Variants in MGAT5B observed in about 807,000 individuals in gnomAD.
MGAT5B encodes alpha-1,6-mannosylglycoprotein 6-beta-N-acetylglucosaminyltransferase B.
A neutral mutation model predicts 95.1 loss-of-function variants in MGAT5B; 54 were observed. The observed-to-expected ratio is 0.57, with a 90% CI of 0.46 to 0.71. The LOEUF is 0.71. Among genes scored for constraint, MGAT5B ranks in the 30% least tolerant of loss-of-function variants. The probability of loss-of-function intolerance (pLI) is 0.00; values close to 1 mark genes in which losing one functional copy is unlikely to be tolerated. For missense variants in MGAT5B, 935 were observed against 1,088.6 expected, an observed-to-expected ratio of 0.86 and a Z score of 1.99; for synonymous variants, 464 against 451.0, an observed-to-expected ratio of 1.03 and a Z score of -0.36.
intron 3 of MGAT5B, among the ~76,000 whole-genome samples, chr17:76,892,571 C>T (rs865975884): frequency 3.9e-5 from 6 of 152,334 alleles, no homozygotes; most frequent in Admixed American, 6.5e-5. Flanking sequence ...TAGGAGGACT[C>T]AGAACTCAGC....
At chr17:76,882,704 CCTTTTTT>C (rs1568166037) in intron 3 of MGAT5B, among the ~76,000 whole-genome samples, 1 of 137,584 alleles carries the variant, frequency 7.3e-6, no homozygotes. Flanking sequence ...TTCCACTGCC[CCTTTTTT>C]TTTTTTTTTT....
At position 76,912,415 on chromosome 17, in the gene MGAT5B, G is replaced by T. The variant is rs531821205; in HGVS notation, c.1025+6228G>T. 6.6e-6 allele frequency among the ~76,000 whole-genome samples: 1 copy of T among 152,178 alleles called. No individual in the cohort carries two copies. Among genetic ancestry groups the T allele is most frequent in the Admixed American group, 6.5e-5 (1 of 15,282 alleles). On this transcript the variant is annotated intron_variant, in intron 8 of 17. Coordinates refer to ENST00000569840, the MANE Select transcript of MGAT5B (RefSeq NM_001199172.2). This position sits in a 1 kb window ranked among gnomAD's most constrained non-coding sequence, Gnocchi z 5.0. Reference sequence around the variant, plus strand: ...TAATTTGAAAACAGGTCAATGGGATGTGAAGGTAATCTGAATTCTGAGTGT... The same window carrying T: ...TAATTTGAAAACAGGTCAATGGGATTTGAAGGTAATCTGAATTCTGAGTGT...
chr17:76,880,807 C>T (rs752057065), intron 2 of MGAT5B, among the ~76,000 whole-genome samples: 7 of 152,284 alleles, frequency 4.6e-5, no homozygotes, highest in East Asian at 3.9e-4. Context: ...GTAATATTCT[C>T]GGCAGTGCAG....
intron 16 of MGAT5B, among the ~76,000 whole-genome samples, chr17:76,947,210 C>T (rs939798163): frequency 7.2e-5 from 11 of 152,214 alleles, no homozygotes; most frequent in African/African-American, 1.9e-4. Flanking sequence ...ACAGATAGTA[C>T]GTGACCTCCC....
At chr17:76,941,640 A>G (rs1241396117) in intron 15 of MGAT5B, among the ~76,000 whole-genome samples, 3 of 152,236 alleles carry the variant, frequency 2.0e-5, no homozygotes, top group Non-Finnish European at 4.4e-5. Flanking sequence ...CGGGCAGCTC[A>G]CTTGAGGCCA....
chr17:76,896,425 T>C (rs1968066308), intron 3 of MGAT5B, among the ~76,000 whole-genome samples: 1 of 152,172 alleles, frequency 6.6e-6, no homozygotes, highest in Non-Finnish European at 1.5e-5. Flanking sequence ...CGCAGGAAAA[T>C]TGCTGAATCC....
At position 76,938,803 on chromosome 17, in the gene MGAT5B, C is replaced by T. The variant is rs959163612; in HGVS notation, c.1584+660C>T. On this transcript the variant is annotated intron_variant, in intron 13 of 17. Coordinates refer to ENST00000569840, the MANE Select transcript of MGAT5B (RefSeq NM_001199172.2). The surrounding 1 kb of genome is among the most constrained non-coding windows in gnomAD (Gnocchi z 4.3). ...ACACAGTCCCCTCACCTCCACCTCC[C>T]GAGTAGCTGGGACTATTGGCATACA... Among the ~76,000 whole-genome samples the T allele has an allele frequency of 1.3e-5, 2 of 152,252 alleles. No homozygotes were observed. The highest frequency in any genetic ancestry group is 2.4e-5 in the African/African-American group (1 of 41,548).
chr17:76,947,469 GT>G (rs1341386736), intron 16 of MGAT5B, among the ~76,000 whole-genome samples: 2 of 152,128 alleles, frequency 1.3e-5, no homozygotes, highest in African/African-American at 4.8e-5. Flanking sequence ...CTGGGGCCCT[GT>G]CCCCATGGAG....
chr17:76,879,840 T>C (rs1407867834), intron 2 of MGAT5B, among the ~76,000 whole-genome samples: 1 of 151,964 alleles, frequency 6.6e-6, no homozygotes, highest in Non-Finnish European at 1.5e-5. Context: ...GAGCTATCTA[T>C]ATCCTGTTTT....
At position 76,904,240 on chromosome 17, in the gene MGAT5B, C is replaced by A; in HGVS notation, c.520-12C>A. 6.3e-7 allele frequency: 1 copy of A among 1,599,680 alleles called. No individual in the cohort carries two copies. Among genetic ancestry groups the A allele is most frequent in the South Asian group, 1.1e-5 (1 of 88,552 alleles). ...TGGCGCAGCCCCCTGCCCAGCCTGG[C>A]CCTCTCTGCAGTGGATGCGTGCCCG... On this transcript the variant is annotated splice_polypyrimidine_tract_variant and intron_variant, in intron 5 of 17. Transcript: ENST00000569840.
chr17:76,874,849 G>C (rs1330106523), intron 2 of MGAT5B, among the ~76,000 whole-genome samples: 1 of 152,130 alleles, frequency 6.6e-6, no homozygotes, highest in African/African-American at 2.4e-5. Context: ...CCCAGCTGCA[G>C]GTCTGGGTCT....
chr17:76,940,869 T>C lies in MGAT5B; in HGVS notation c.1848+21T>C, dbSNP rs763006688. On this transcript the variant is annotated intron_variant, in intron 15 of 17. Coordinates refer to ENST00000569840, the MANE Select transcript of MGAT5B (RefSeq NM_001199172.2). The surrounding 1 kb of genome is among the most constrained non-coding windows in gnomAD (Gnocchi z 4.3). ...CTCAGGTGAGAGCAGCCACATACAG[T>C]TGAGACCCCCCACTAGTCCACACTG... The C allele has an allele frequency of 6.3e-7, 1 of 1,578,356 alleles. No individual in the cohort carries two copies. The highest frequency in any genetic ancestry group is 8.7e-7 in the Non-Finnish European group (1 of 1,147,886).
intron 8 of MGAT5B, among the ~76,000 whole-genome samples, chr17:76,909,976 C>T (rs764025563): frequency 5.3e-5 from 8 of 152,128 alleles, no homozygotes; most frequent in Non-Finnish European, 8.8e-5. Flanking sequence ...GGCAGCTACA[C>T]GCCTGTGGCT....
chr17:76,897,731 CTTTTTTT>C (rs59682650), intron 3 of MGAT5B, among the ~76,000 whole-genome samples: 9 of 84,848 alleles, frequency 1.1e-4, no homozygotes, highest in South Asian at 3.6e-4. Context: ...CTTTCTTTTT[CTTTTTTT>C]TTTTTTTTTT....
chr17:76,897,659 CACTTTCTTTCTTTCTT>C (rs1177641154), intron 3 of MGAT5B, among the ~76,000 whole-genome samples: 2,429 of 108,886 alleles, frequency 0.022, 89 homozygotes, highest in African/African-American at 0.06. Context: ...CAAGTAAGGC[CACTTTCTTTCTTTCTT>C]TCTTTCTTTC....
chr17:76,935,508 A>G (rs1214850490), intron 12 of MGAT5B, among the ~76,000 whole-genome samples: 1 of 151,966 alleles, frequency 6.6e-6, no homozygotes, highest in Non-Finnish European at 1.5e-5. Context: ...AGCCGTTCTA[A>G]CAGGCATGGA....
rs1350287300 is a variant in MGAT5B at position 76,917,766 on chromosome 17, G to C, written c.1026-7200G>C. On this transcript the variant is annotated intron_variant, in intron 8 of 17. Transcript: ENST00000569840. The surrounding 1 kb of genome is among the most constrained non-coding windows in gnomAD (Gnocchi z 6.1). ...GAATAGCAAGAGCCCCTGGCACACA[G>C]GAGTCACCCGAGGAGCTGAAAATAA... Among the ~76,000 whole-genome samples, 1 of 152,184 alleles carries C rather than the reference G, an allele frequency of 6.6e-6. No individual in the cohort carries two copies. Among genetic ancestry groups the C allele is most frequent in the African/African-American group, 2.4e-5 (1 of 41,460 alleles).
intron 8 of MGAT5B, among the ~76,000 whole-genome samples, chr17:76,920,142 G>A (rs1969080212): frequency 6.6e-6 from 1 of 152,198 alleles, no homozygotes; most frequent in Admixed American, 6.5e-5. Context: ...TCCTTCCCAA[G>A]CACTGGCTGT....
intron 3 of MGAT5B, among the ~76,000 whole-genome samples, chr17:76,883,438 T>C (rs1169882904): frequency 6.6e-6 from 1 of 152,234 alleles, no homozygotes; most frequent in African/African-American, 2.4e-5. Context: ...CCAGGATGTC[T>C]GAGAGCCCAG....
Sources: allele counts gnomAD v4.1 joint callset (sites outside exome capture counted in the v4.1 genomes callset), GRCh38; gene constraint gnomAD v4.1.1; non-coding constraint Gnocchi (gnomAD v3.1); transcripts MANE v1.5; gene names NCBI Gene and HGNC (gene_info 2026-07-23, HGNC 2026-07-21).